Variants in GNPTAB observed in about 807,000 individuals in gnomAD.
GNPTAB encodes the protein N-acetylglucosamine-1-phosphate transferase subunits alpha and beta.
A neutral mutation model predicts 136.6 loss-of-function variants in GNPTAB; 92 were observed. The observed-to-expected ratio is 0.67, with a 90% CI of 0.57 to 0.80. GNPTAB has a LOEUF of 0.80. GNPTAB is among the 30% of genes least tolerant of loss of function. The probability of loss-of-function intolerance (pLI) is 0.00; values close to 1 mark genes in which losing one functional copy is unlikely to be tolerated. For missense variants in GNPTAB, 1,343 were observed against 1,501.8 expected (o/e 0.89, Z 1.75); for synonymous variants, 512 against 535.1 (o/e 0.96, Z 0.60).
Position 101,745,544 on chromosome 12 carries a change from C to G in GNPTAB, c.*1620G>C, listed in dbSNP as rs1952720445. On this transcript the variant is annotated 3_prime_UTR_variant, in exon 21 of 21. Coordinates refer to ENST00000299314, the MANE Select transcript of GNPTAB (RefSeq NM_024312.5). ...TTATGAGATTTCAGTTTTTGAAATA[C>G]ACAACTCTTACAGCACAAACACAGT... The G allele has an allele frequency of 6.6e-6, 1 of 152,192 alleles. No individual in the cohort carries two copies. The highest frequency in any genetic ancestry group is 2.4e-5 in the African/African-American group (1 of 41,438). 9.4% of individuals were successfully genotyped at this position (152,192 alleles called of 1,614,324 possible). A position where few individuals can be genotyped will look rare whatever the true frequency, so the allele number is the denominator to read the frequency against.
rs11111002 is a variant in GNPTAB at position 101,760,400 on chromosome 12, G to A, written c.3136-257C>T. On this transcript the variant is annotated intron_variant, in intron 15 of 20. Coordinates refer to ENST00000299314, the MANE Select transcript of GNPTAB (RefSeq NM_024312.5). ...TTTACACAAGGTGGTCCAGGGCTCA[G>A]GAGAAATCATGCCCTGCAGCTAGAT... 0.11 allele frequency among the ~76,000 whole-genome samples: 16,763 copies of A among 152,122 alleles called. 1,169 individuals carry two copies. Among genetic ancestry groups the A allele is most frequent in the African/African-American group, 0.19 (7,937 of 41,448 alleles).
intron 2 of GNPTAB, among the ~76,000 whole-genome samples, chr12:101,793,680 T>C (rs1272743570): frequency 1.3e-5 from 2 of 152,174 alleles, no homozygotes; most frequent in Non-Finnish European, 2.9e-5. Context: ...CACTCATAAC[T>C]CAGAACCAAA....
chr12:101,830,538 G>T, intron 1 of GNPTAB, 21 bp downstream of exon 1: 1 of 1,484,796 alleles, frequency 6.7e-7, no homozygotes, highest in Non-Finnish European at 9.4e-7. Context: ...GCCCGGTCCA[G>T]GCTGCGGCGC....
intron 1 of GNPTAB, among the ~76,000 whole-genome samples, chr12:101,801,972 G>GAC (rs1362561029): frequency 6.6e-6 from 1 of 152,034 alleles, no homozygotes; most frequent in East Asian, 1.9e-4. Flanking sequence ...AGGATGGCTT[G>GAC]AAGTCAGGAG....
At chr12:101,823,511 G>A (rs1269854656) in intron 1 of GNPTAB, among the ~76,000 whole-genome samples, 1 of 149,872 alleles carries the variant, frequency 6.7e-6, no homozygotes, top group African/African-American at 2.5e-5. Context: ...TCGGGAGGCT[G>A]ACACAAGAGA....
At chr12:101,797,992 C>T (rs1320863059) in intron 1 of GNPTAB, among the ~76,000 whole-genome samples, 4 of 152,156 alleles carry the variant, frequency 2.6e-5, no homozygotes, top group Non-Finnish European at 4.4e-5. Context: ...CTTCCCTTCA[C>T]TCCATATCCA....
At chr12:101,747,604 C>G (rs1952752853) in intron 20 of GNPTAB, among the ~76,000 whole-genome samples, 1 of 34,070 alleles carries the variant, frequency 2.9e-5, no homozygotes, top group African/African-American at 1.9e-4. Context: ...AGGAAACTGG[C>G]TCTATTTAGC....
At chr12:101,784,922 A>G (rs567308597) in intron 5 of GNPTAB, among the ~76,000 whole-genome samples, 1 of 152,234 alleles carries the variant, frequency 6.6e-6, no homozygotes, top group Non-Finnish European at 1.5e-5. Context: ...ACAAGAGGCT[A>G]GAGCAGAAGA....
intron 1 of GNPTAB, among the ~76,000 whole-genome samples, chr12:101,808,636 C>T (rs890060421): frequency 2.0e-5 from 3 of 152,120 alleles, no homozygotes; most frequent in African/African-American, 7.2e-5. Flanking sequence ...GAGAAAAAGA[C>T]TGATCAGTTG....
At chr12:101,794,974 A>G (rs1869197404) in intron 2 of GNPTAB, among the ~76,000 whole-genome samples, 2 of 152,232 alleles carry the variant, frequency 1.3e-5, no homozygotes, top group Admixed American at 6.5e-5. Context: ...TCTTCGGGGC[A>G]GGGATCTATG....
chr12:101,765,594 A>G, intron 12 of GNPTAB: 1 of 418,108 alleles, frequency 2.4e-6, no homozygotes, highest in Non-Finnish European at 4.4e-6. Context: ...GGCTTATTTC[A>G]CTATCTGAGG....
intron 1 of GNPTAB, among the ~76,000 whole-genome samples, chr12:101,827,974 CA>C (rs1258145823): frequency 6.6e-6 from 1 of 151,378 alleles, no homozygotes; most frequent in East Asian, 1.9e-4. Context: ...CAAAACAAAA[CA>C]AAAAAAACAA....
At chr12:101,806,439 A>T (rs1301239597) in intron 1 of GNPTAB, among the ~76,000 whole-genome samples, 1 of 152,218 alleles carries the variant, frequency 6.6e-6, no homozygotes, top group African/African-American at 2.4e-5. Context: ...AATGGTTACA[A>T]AGTTCCTGTT....
intron 7 of GNPTAB, among the ~76,000 whole-genome samples, chr12:101,777,950 A>G (rs1049329513): frequency 3.3e-5 from 5 of 152,186 alleles, no homozygotes; most frequent in African/African-American, 1.2e-4. Context: ...TGATGCTCTG[A>G]GAGGTGTTGG....
At chr12:101,810,937 G>C (rs1870197226) in intron 1 of GNPTAB, among the ~76,000 whole-genome samples, 1 of 152,154 alleles carries the variant, frequency 6.6e-6, no homozygotes, top group South Asian at 2.1e-4. Context: ...GGCAAGAAAA[G>C]TTGAATGCCT....
rs535774439 is a variant in GNPTAB, at chr12:101,782,975, T to C, written c.572-2354A>G. ...TCACCTTCTGAGTGAGCAATGTCCC[T>C]ACCATCCAAATTAGAATTGCAACCC... On this transcript the variant is annotated intron_variant, in intron 5 of 20. Transcript: ENST00000299314. 9.3e-4 allele frequency among the ~76,000 whole-genome samples: 142 copies of C among 152,198 alleles called. 1 individual carries two copies. The South Asian group carries it at 0.013, about 14-fold the overall frequency.
chr12:101,814,078 CAA>C (rs34425945), intron 1 of GNPTAB, among the ~76,000 whole-genome samples: 39,266 of 134,820 alleles, frequency 0.29, 5,580 homozygotes, highest in African/African-American at 0.4. Context: ...GACTCCATCT[CAA>C]AAAAAAAAAA....
Position 101,757,579 on chromosome 12 carries a change from T to C in GNPTAB, c.3328A>G (p.Lys1110Glu). The change falls in exon 17 of 21, where the codon AAA becomes GAA. Residue 1110 changes from lysine (K) to glutamate (E), a missense_variant. Transcript: ENST00000299314. ...TATGCGTGTACTACTTACCTATATT[T>C]GTTTTTGTCCTTATATGCTTTGTGG... ...KIHKAYKDKN[K>E]YRFEIMGEEE... The C allele has an allele frequency of 1.3e-6, 2 of 1,493,286 alleles. No individual in the cohort carries two copies. The highest frequency in any genetic ancestry group is 1.9e-6 in the Non-Finnish European group (2 of 1,070,038). The allele number at this position is 1,493,286 out of a possible 1,614,324, so 92.5% of individuals were successfully genotyped here.
At chr12:101,817,970 T>C (rs567350933) in intron 1 of GNPTAB, among the ~76,000 whole-genome samples, 62 of 152,338 alleles carry the variant, frequency 4.1e-4, no homozygotes, top group African/African-American at 1.4e-3. Flanking sequence ...TTAAAATCCT[T>C]TGATGGTCCC....
Sources: allele counts gnomAD v4.1 joint callset (sites outside exome capture counted in the v4.1 genomes callset), GRCh38; gene constraint gnomAD v4.1.1; transcripts MANE v1.5; gene names NCBI Gene and HGNC (gene_info 2026-07-23, HGNC 2026-07-21).